HYDIN: variants seen among roughly 807,000 people sequenced by gnomAD.
The protein encoded by HYDIN is HYDIN axonemal central pair apparatus protein.
In HYDIN, 132 loss-of-function variants were observed where a neutral mutation model predicts 403.9. The observed-to-expected ratio is 0.33, with a 90% CI of 0.28 to 0.38. The LOEUF is 0.38. HYDIN is among the 10% of genes least tolerant of loss of function. The pLI is 1.00. For synonymous variants in HYDIN, 1,202 were observed against 1,891.7 expected, an observed-to-expected ratio of 0.64 and a Z score of 9.46; for missense variants, 2,827 against 5,009.5, an observed-to-expected ratio of 0.56 and a Z score of 13.15.
chr16:71,032,736 GC>G (rs2080959405), intron 18 of HYDIN, among the ~76,000 whole-genome samples: 1 of 80,686 alleles, frequency 1.2e-5, no homozygotes, highest in Middle Eastern at 4.1e-3. Flanking sequence ...CTGTTTCTGA[GC>G]CTCATCTGCA....
Position 70,902,744 on chromosome 16 carries a change from A to G in HYDIN, c.8849+881T>C, listed in dbSNP as rs373750782. Among the ~76,000 whole-genome samples, 6 of 144,974 alleles carry G rather than the reference A, an allele frequency of 4.1e-5. No homozygotes were observed. The South Asian group carries it at 1.1e-3, about 26-fold the overall frequency. On this transcript the variant is annotated intron_variant, in intron 52 of 85. Coordinates refer to ENST00000393567, the MANE Select transcript of HYDIN (RefSeq NM_001270974.2). ...AAGGTTTGCTAAGCTTCTTGGAACT[A>G]TAAGTTTTTGCTTTTTCACCAAATT...
intron 45 of HYDIN, among the ~76,000 whole-genome samples, chr16:70,928,629 T>C (rs969592584): frequency 3.6e-5 from 5 of 139,888 alleles, no homozygotes; most frequent in Non-Finnish European, 7.9e-5. Flanking sequence ...ATTACATGGA[T>C]CAAATTTCCA....
At chr16:71,027,518 T>C (rs2080750819) in intron 20 of HYDIN, 84 bp downstream of exon 20, 38 of 1,543,426 alleles carry the variant, frequency 2.5e-5, no homozygotes, top group Non-Finnish European at 3.3e-5. Context: ...CTCAGATAAA[T>C]GTCAAGGGAC....
chr16:71,134,461 G>A (rs1444014486), intron 8 of HYDIN, among the ~76,000 whole-genome samples: 1 of 152,252 alleles, frequency 6.6e-6, no homozygotes, highest in African/African-American at 2.4e-5. Context: ...CAGCTCTGCA[G>A]GCCTTGCTGG....
At chr16:70,824,076 G>T (rs2036431307) in intron 83 of HYDIN, among the ~76,000 whole-genome samples, 1 of 151,794 alleles carries the variant, frequency 6.6e-6, no homozygotes, top group African/African-American at 2.4e-5. Context: ...TTTTTATAGT[G>T]GGAGGAGTAT....
rs2039918813 is a variant in HYDIN, at chr16:70,868,635, T to A, written c.11245A>T (p.Met3749Leu). The A allele has an allele frequency of 6.2e-7, 1 of 1,613,930 alleles. No homozygotes were observed. The highest frequency in any genetic ancestry group is 8.5e-7 in the Non-Finnish European group (1 of 1,180,030). ...ADQVPDWDDRMHTVKWVDVPR... is the reference protein window; with the variant it reads ...ADQVPDWDDRLHTVKWVDVPR... ...ACGTCCACCCACTTGACTGTGTGCATGCGGTCATCCCAGTCGGGGACCTGG... is the reference window on the plus strand; with the variant it reads ...ACGTCCACCCACTTGACTGTGTGCAAGCGGTCATCCCAGTCGGGGACCTGG... Residue 3749 changes from methionine to leucine, a missense_variant, in exon 66 of 86, where the codon ATG (methionine) becomes TTG (leucine). Coordinates refer to ENST00000393567, the MANE Select transcript of HYDIN (RefSeq NM_001270974.2).
At chr16:71,076,049 C>T in intron 13 of HYDIN, 1 of 293,474 alleles carries the variant, frequency 3.4e-6, no homozygotes, top group South Asian at 3.3e-5. Context: ...ACTCATGGTT[C>T]TGGAAGGTAG....
intron 84 of HYDIN, among the ~76,000 whole-genome samples, chr16:70,812,397 G>A (rs2143433593): frequency 6.6e-6 from 1 of 152,316 alleles, no homozygotes. Flanking sequence ...GTTGAGGCAT[G>A]AGAATCACTT....
chr16:71,164,160 T>C (rs1176303720), intron 5 of HYDIN, among the ~76,000 whole-genome samples: 1 of 133,318 alleles, frequency 7.5e-6, no homozygotes, highest in Non-Finnish European at 1.6e-5. Context: ...TTTTATTGTG[T>C]GTTTTAGCTG....
At chr16:71,192,874 A>G (rs1481279281) in intron 1 of HYDIN, among the ~76,000 whole-genome samples, 1 of 152,218 alleles carries the variant, frequency 6.6e-6, no homozygotes, top group African/African-American at 2.4e-5. Flanking sequence ...ATCCATCATA[A>G]TGACTTTTCC....
In HYDIN at chr16:70,807,559, T is replaced by C. The variant is rs748929636; in HGVS notation, c.*21A>G. ...AAGACAATGCATAGCTTTTGGTTGA[T>C]ACAGGTAACCCTGGTTACCACTAAA... On this transcript the variant is annotated 3_prime_UTR_variant, in exon 86 of 86. Coordinates refer to ENST00000393567, the MANE Select transcript of HYDIN (RefSeq NM_001270974.2). The C allele has an allele frequency of 2.5e-6, 4 of 1,581,876 alleles. No homozygotes were observed. The highest frequency in any genetic ancestry group is 2.4e-5 in the South Asian group (2 of 85,084).
chr16:71,211,147 T>C (rs1330698703), intron 1 of HYDIN, among the ~76,000 whole-genome samples: 1 of 151,882 alleles, frequency 6.6e-6, no homozygotes, highest in African/African-American at 2.4e-5. Context: ...CTCTAGCAAG[T>C]CATAAAACCT....
chr16:70,847,844 G>A (rs2038322375), intron 75 of HYDIN, among the ~76,000 whole-genome samples: 1 of 151,582 alleles, frequency 6.6e-6, no homozygotes, highest in South Asian at 2.1e-4. Context: ...GAAGTTTTAG[G>A]GTGTTATTTC....
intron 8 of HYDIN, among the ~76,000 whole-genome samples, chr16:71,136,950 A>G (rs1433862020): frequency 6.9e-6 from 1 of 145,068 alleles, no homozygotes; most frequent in African/African-American, 2.6e-5. Context: ...CAGGATGGAC[A>G]TTCTGTTCCA....
intron 45 of HYDIN, among the ~76,000 whole-genome samples, chr16:70,921,800 T>C (rs2077002385): frequency 6.6e-6 from 1 of 152,248 alleles, no homozygotes; most frequent in African/African-American, 2.4e-5. Context: ...TGGATATTGA[T>C]GGGAACAAAT....
At chr16:71,194,613 T>C (rs1291448072) in intron 1 of HYDIN, among the ~76,000 whole-genome samples, 1 of 152,158 alleles carries the variant, frequency 6.6e-6, no homozygotes, top group African/African-American at 2.4e-5. Flanking sequence ...AATTACCTAT[T>C]GGCATCTAAC....
At chr16:71,211,911 T>C (rs1309851184) in intron 1 of HYDIN, among the ~76,000 whole-genome samples, 2 of 152,144 alleles carry the variant, frequency 1.3e-5, no homozygotes, top group African/African-American at 2.4e-5. Context: ...ACATACAAGC[T>C]TGATGATATC....
chr16:71,195,060 T>C (rs1354816072), intron 1 of HYDIN, among the ~76,000 whole-genome samples: 1 of 152,152 alleles, frequency 6.6e-6, no homozygotes, highest in Non-Finnish European at 1.5e-5. Context: ...CAATGTGAAA[T>C]AGGCCACACA....
chr16:70,847,215 CTCTT>C (rs2038274404), intron 75 of HYDIN, among the ~76,000 whole-genome samples: 1 of 152,072 alleles, frequency 6.6e-6, no homozygotes, highest in African/African-American at 2.4e-5. Flanking sequence ...CTGTTACTTC[CTCTT>C]TCTTTGTGCT....
Sources: allele counts gnomAD v4.1 joint callset (sites outside exome capture counted in the v4.1 genomes callset), GRCh38; gene constraint gnomAD v4.1.1; transcripts MANE v1.5; gene names NCBI Gene and HGNC (gene_info 2026-07-23, HGNC 2026-07-21).